DDX60L: variants seen among roughly 807,000 people sequenced by gnomAD.
DDX60L encodes the protein probable ATP-dependent RNA helicase DDX60-like.
A neutral mutation model predicts 211.6 loss-of-function variants in DDX60L; 191 were observed. That is an observed-to-expected ratio of 0.90 (90% CI 0.80 to 1.02). The LOEUF is 1.02. Among genes scored for constraint, DDX60L ranks in the 50% least tolerant of loss-of-function variants. The pLI, the probability that DDX60L is intolerant of heterozygous loss-of-function variation, is 0.00. For synonymous variants in DDX60L, 706 were observed against 694.1 expected (o/e 1.02, Z -0.27); for missense variants, 2,007 against 1,984.1 (o/e 1.01, Z -0.22).
chr4:168,371,756 A>G lies in DDX60L; in HGVS notation c.4784T>C (p.Leu1595Pro). Residue 1595 changes from leucine to proline, a missense_variant, in exon 36 of 38, where the codon CTG (leucine) becomes CCG (proline). Transcript: ENST00000682922. ...AGTGCCACTAACACCGACTGTGCGC[A>G]GGATGACCTGAAGAAAGACATTTTC... is the stretch of plus-strand genomic sequence containing the variant. ...LRPETINQVI[L>P]RTVGVSGTQA... The G allele has an allele frequency of 6.2e-7, 1 of 1,600,258 alleles. No individual in the cohort carries two copies. The highest frequency in any genetic ancestry group is 8.5e-7 in the Non-Finnish European group (1 of 1,170,278).
chr4:168,449,039 T>C (rs17612547), intron 8 of DDX60L, among the ~76,000 whole-genome samples: 20,319 of 152,136 alleles, frequency 0.13, 1,886 homozygotes, highest in Non-Finnish European at 0.19. Flanking sequence ...AATGTGGTAC[T>C]AAAACTATAG....
At position 168,391,647 on chromosome 4, in the gene DDX60L, A is replaced by AGG. The variant is rs150634123; in HGVS notation, c.3811-5_3811-4dup. Reference sequence around the variant, plus strand: ...AGTGTTTCAGTAGCTGTCACTACCTAGGAAAAAAAAAAAAAAACAGTCAAT... The same window carrying AGG: ...AGTGTTTCAGTAGCTGTCACTACCTAGGGGAAAAAAAAAAAAAAACAGTCAAT... On this transcript the variant is annotated splice_region_variant and splice_polypyrimidine_tract_variant and intron_variant, in intron 28 of 37. Transcript: ENST00000682922. 9.5e-7 allele frequency: 1 copy of AGG among 1,056,066 alleles called. No individual in the cohort carries two copies. The highest frequency in any genetic ancestry group is 1.3e-6 in the Non-Finnish European group (1 of 769,318). The allele number at this position is 1,056,066 out of a possible 1,614,324, so 65.4% of individuals were successfully genotyped here. A position where few individuals can be genotyped will look rare whatever the true frequency, so the allele number is the denominator to read the frequency against.
chr4:168,426,698 A>G (rs900202823), intron 14 of DDX60L, among the ~76,000 whole-genome samples: 4 of 152,212 alleles, frequency 2.6e-5, no homozygotes, highest in Non-Finnish European at 4.4e-5. Flanking sequence ...ACCTCCCAAC[A>G]GCAACTTCAC....
At chr4:168,433,205 A>G (rs1037428501) in intron 10 of DDX60L, 90 bp from the exon 11 acceptor site, 2 of 856,972 alleles carry the variant, frequency 2.3e-6, no homozygotes, top group Admixed American at 2.7e-5. Context: ...CAAATGCATA[A>G]TATTTTACAT....
chr4:168,472,733 T>C lies in DDX60L; in HGVS notation c.-34A>G, dbSNP rs773020209. 52 of 1,609,390 alleles carry C rather than the reference T, an allele frequency of 3.2e-5. No individual in the cohort carries two copies. In the Admixed American group the frequency reaches 4.6e-4, roughly 14 times the overall value. On this transcript the variant is annotated 5_prime_UTR_variant, in exon 2 of 38. Transcript: ENST00000682922. ...CTTCTTGGGCTACAGGGTAGAAGAGTAGAGCTGGAATTTATTAAATATGGC... is the reference window on the plus strand; with the variant it reads ...CTTCTTGGGCTACAGGGTAGAAGAGCAGAGCTGGAATTTATTAAATATGGC...
chr4:168,419,109 T>G (rs186512634), intron 19 of DDX60L, among the ~76,000 whole-genome samples, 193 bp downstream of exon 19: 25 of 152,382 alleles, frequency 1.6e-4, no homozygotes, highest in Admixed American at 1.6e-3. Context: ...TACAAACCTT[T>G]GTAAACAGCC....
chr4:168,406,077 T>C lies in DDX60L; in HGVS notation c.3086A>G (p.Glu1029Gly), dbSNP rs1422141103. 1 of 1,588,284 alleles carries C rather than the reference T, an allele frequency of 6.3e-7. No individual in the cohort carries two copies. The highest frequency in any genetic ancestry group is 8.5e-7 in the Non-Finnish European group (1 of 1,171,794). ...AAGAATGAATTCCTCTGGACACAAT[T>C]CCTTGGGGGGAAAATTATCACAAAA... ...QVWETWPRAQELCPEEFILFK... is the reference protein window; with the variant it reads ...QVWETWPRAQGLCPEEFILFK... Residue 1029 changes from glutamate to glycine, a missense_variant and splice_region_variant, in exon 24 of 38, where the codon GAA becomes GGA. Coordinates refer to ENST00000682922, the MANE Select transcript of DDX60L (RefSeq NM_001012967.3).
chr4:168,365,614 A>G (rs1739842870), intron 36 of DDX60L, among the ~76,000 whole-genome samples: 2 of 151,986 alleles, frequency 1.3e-5, no homozygotes, highest in South Asian at 4.1e-4. Flanking sequence ...GACTAATACC[A>G]ATCCTCTTCA....
chr4:168,430,470 C>T lies in DDX60L; in HGVS notation c.1677+8G>A, dbSNP rs776608470. ...AGAAAAAAATTAGGTAAAATCTTTG[C>T]GATCTACCTGTAATATTTCACCACT... On this transcript the variant is annotated splice_region_variant and intron_variant, in intron 13 of 37. Transcript: ENST00000682922. 101 of 1,555,534 alleles carry T rather than the reference C, an allele frequency of 6.5e-5. No homozygotes were observed. The highest frequency in any genetic ancestry group is 8.1e-5 in the Non-Finnish European group (94 of 1,157,480).
intron 36 of DDX60L, among the ~76,000 whole-genome samples, chr4:168,363,202 C>T (rs1739395725): frequency 6.6e-6 from 1 of 152,092 alleles, no homozygotes; most frequent in South Asian, 2.1e-4. Flanking sequence ...ATACTACATC[C>T]AGGAAAGCTA....
intron 6 of DDX60L, 115 bp downstream of exon 6, chr4:168,457,777 C>CT (rs1406466392): frequency 1.8e-5 from 10 of 542,652 alleles, no homozygotes; most frequent in South Asian, 3.1e-5. Flanking sequence ...TATACATGTA[C>CT]TAAGGAGGTA....
chr4:168,360,455 C>T (rs1049684744), intron 37 of DDX60L, among the ~76,000 whole-genome samples: 1 of 152,204 alleles, frequency 6.6e-6, no homozygotes, highest in African/African-American at 2.4e-5. Context: ...TCAGACTCGG[C>T]TCAGACCAAG....
At chr4:168,429,938 C>T (rs1752089220) in intron 13 of DDX60L, among the ~76,000 whole-genome samples, 2 of 152,200 alleles carry the variant, frequency 1.3e-5, no homozygotes, top group South Asian at 2.1e-4. Flanking sequence ...TGGCTCACAC[C>T]TGTAATCCCA....
At chr4:168,359,378 G>T (rs1738715644) in intron 37 of DDX60L, among the ~76,000 whole-genome samples, 2 of 152,158 alleles carry the variant, frequency 1.3e-5, no homozygotes, top group Non-Finnish European at 1.5e-5. Flanking sequence ...CAGTTCTGAA[G>T]TCATCATCAT....
At chr4:168,433,963 T>C (rs1161664719) in intron 10 of DDX60L, among the ~76,000 whole-genome samples, 1 of 152,240 alleles carries the variant, frequency 6.6e-6, no homozygotes, top group East Asian at 1.9e-4. Context: ...TAAAAGATAT[T>C]ATTTCATTAC....
intron 1 of DDX60L, chr4:168,476,127 G>C (rs1031535624): frequency 3.3e-5 from 5 of 151,940 alleles, no homozygotes; most frequent in Admixed American, 3.3e-4. Context: ...CAAACTAAGA[G>C]AGAAGATAAA....
At chr4:168,404,721 T>A (rs1747439789) in intron 24 of DDX60L, among the ~76,000 whole-genome samples, 1 of 152,190 alleles carries the variant, frequency 6.6e-6, no homozygotes, top group Non-Finnish European at 1.5e-5. Context: ...AATTTTTTTA[T>A]AAACAGCATC....
intron 9 of DDX60L, among the ~76,000 whole-genome samples, chr4:168,442,223 A>G (rs1182477316): frequency 1.3e-5 from 2 of 152,144 alleles, no homozygotes; most frequent in African/African-American, 4.8e-5. Context: ...TCCCTTTCTG[A>G]GTCAAAGAAA....
At chr4:168,378,574 G>T in intron 32 of DDX60L, 99 bp from the exon 33 acceptor site, 1 of 896,378 alleles carries the variant, frequency 1.1e-6, no homozygotes, top group Non-Finnish European at 1.6e-6. Flanking sequence ...TTTGTTGAAG[G>T]CAAAATTTTC....
Sources: gnomAD v4.1 joint callset for allele counts (sites outside exome capture counted in the v4.1 genomes callset) on GRCh38, gnomAD v4.1.1 for gene constraint, MANE v1.5 for transcripts, NCBI Gene and HGNC (gene_info 2026-07-23, HGNC 2026-07-21) for gene names.